Variants in PHACTR1 observed in about 807,000 individuals in gnomAD.
PHACTR1 encodes RPEL repeat containing 1.
PHACTR1 carries 16 observed loss-of-function variants against 69.2 expected under a neutral mutation model. The ratio of observed to expected loss-of-function variants is 0.23; its 90% CI spans 0.16 to 0.35. PHACTR1 has a LOEUF of 0.35. Among genes scored for constraint, PHACTR1 ranks in the 10% least tolerant of loss-of-function variants. The pLI is 1.00. For synonymous variants in PHACTR1, 312 were observed against 284.5 expected, an observed-to-expected ratio of 1.10 and a Z score of -0.97; for missense variants, 510 against 734.7, an observed-to-expected ratio of 0.69 and a Z score of 3.54.
At chr6:12,964,135 G>A (rs994984125) in intron 4 of PHACTR1, among the ~76,000 whole-genome samples, 1 of 152,134 alleles carries the variant, frequency 6.6e-6, no homozygotes, top group Admixed American at 6.5e-5. Context: ...TACCTTGTGA[G>A]TATTTTTGTT....
At position 12,807,311 on chromosome 6, in the gene PHACTR1, T is replaced by C. The variant is rs182024323; in HGVS notation, c.250+57521T>C. Among the ~76,000 whole-genome samples, 398 of 152,358 alleles carry C rather than the reference T, an allele frequency of 2.6e-3. 5 individuals are homozygous for C. Among genetic ancestry groups the C allele is most frequent in the African/African-American group, 9.0e-3 (374 of 41,582 alleles). ...TCTAAAATGGATTTTTTGTTTATGT[T>C]GATAGCAACTGGAAGAGAAAAAATA... On this transcript the variant is annotated intron_variant, in intron 4 of 14. Coordinates refer to ENST00000332995, the MANE Select transcript of PHACTR1 (RefSeq NM_030948.6).
intron 10 of PHACTR1, among the ~76,000 whole-genome samples, chr6:13,248,028 CT>C (rs1288115364): frequency 6.6e-6 from 1 of 152,234 alleles, no homozygotes; most frequent in Non-Finnish European, 1.5e-5. Flanking sequence ...TTACTCGGCA[CT>C]GCCTTTATAT....
chr6:12,762,221 A>G (rs1342245629), intron 4 of PHACTR1, among the ~76,000 whole-genome samples: 3 of 152,086 alleles, frequency 2.0e-5, no homozygotes, highest in Non-Finnish European at 4.4e-5. Context: ...GTATTTATTT[A>G]TTTGGTCTTT....
intron 8 of PHACTR1, among the ~76,000 whole-genome samples, chr6:13,209,532 A>G (rs1766478795): frequency 6.6e-6 from 1 of 152,252 alleles, no homozygotes. Flanking sequence ...CCAGATGGAC[A>G]GTCTGATCCT....
At chr6:13,237,623 A>C (rs1772198022) in intron 10 of PHACTR1, among the ~76,000 whole-genome samples, 1 of 152,236 alleles carries the variant, frequency 6.6e-6, no homozygotes, top group South Asian at 2.1e-4. Flanking sequence ...TAGCAATTTA[A>C]AATTAGCATC....
intron 5 of PHACTR1, among the ~76,000 whole-genome samples, chr6:13,060,152 A>G (rs776156769): frequency 1.3e-5 from 2 of 152,184 alleles, no homozygotes; most frequent in African/African-American, 4.8e-5. Flanking sequence ...GTTTAATACC[A>G]TGAAGTCAAG....
intron 5 of PHACTR1, among the ~76,000 whole-genome samples, chr6:13,113,510 C>T (rs968353451): frequency 2.0e-5 from 3 of 152,172 alleles, no homozygotes; most frequent in African/African-American, 7.2e-5. Flanking sequence ...TAGATATGAT[C>T]ATTTCAGTAG....
intron 8 of PHACTR1, 72 bp downstream of exon 8, chr6:13,206,208 C>A: frequency 1.4e-6 from 2 of 1,399,118 alleles, no homozygotes; most frequent in Non-Finnish European, 1.9e-6. Flanking sequence ...GGGATTTGGA[C>A]CATGACTTAG....
At chr6:13,011,683 C>A (rs1017926853) in intron 4 of PHACTR1, among the ~76,000 whole-genome samples, 1 of 152,182 alleles carries the variant, frequency 6.6e-6, no homozygotes, top group Admixed American at 6.5e-5. Flanking sequence ...ACTGTTCTAA[C>A]CTGTGGGGCA....
At chr6:12,760,659 G>A (rs746934454) in intron 4 of PHACTR1, among the ~76,000 whole-genome samples, 4 of 152,216 alleles carry the variant, frequency 2.6e-5, no homozygotes, top group Admixed American at 6.5e-5. Flanking sequence ...GAGGCCAGGT[G>A]CGGTGGCTCA....
intron 8 of PHACTR1, among the ~76,000 whole-genome samples, chr6:13,225,646 T>C (rs1156788050): frequency 6.6e-6 from 1 of 152,232 alleles, no homozygotes; most frequent in East Asian, 1.9e-4. Flanking sequence ...CTTAAGGAAC[T>C]CATACTCTCT....
intron 5 of PHACTR1, among the ~76,000 whole-genome samples, chr6:13,118,620 A>AG (rs1818182197): frequency 6.6e-6 from 1 of 151,950 alleles, no homozygotes. Context: ...CTGAGACTAC[A>AG]GGTGCGCACA....
In PHACTR1 at chr6:12,943,470, G is replaced by A. The variant is rs552085034; in HGVS notation, c.251-109895G>A. 5.9e-5 allele frequency among the ~76,000 whole-genome samples: 9 copies of A among 152,202 alleles called. No individual in the cohort carries two copies. The South Asian group carries it at 1.9e-3, about 32-fold the overall frequency. ...GCACAACACTTTGAATATACTAAAT[G>A]GCACTGAATTCTACACCTTAAAATG... On this transcript the variant is annotated intron_variant, in intron 4 of 14. Coordinates refer to ENST00000332995, the MANE Select transcript of PHACTR1 (RefSeq NM_030948.6).
intron 8 of PHACTR1, among the ~76,000 whole-genome samples, chr6:13,209,322 A>G (rs1221593298): frequency 1.3e-5 from 2 of 152,204 alleles, no homozygotes; most frequent in African/African-American, 4.8e-5. Context: ...TTCTTGTTCT[A>G]ACCAAGTTTT....
intron 5 of PHACTR1, among the ~76,000 whole-genome samples, chr6:13,125,665 A>C (rs951733023): frequency 9.8e-5 from 15 of 152,348 alleles, no homozygotes; most frequent in Admixed American, 4.6e-4. Flanking sequence ...ATGGCAGCTC[A>C]TGCCTGTAAT....
chr6:12,954,097 G>A (rs1395350190), intron 4 of PHACTR1, among the ~76,000 whole-genome samples: 2 of 152,140 alleles, frequency 1.3e-5, no homozygotes, highest in Non-Finnish European at 2.9e-5. Context: ...TATTTGGTAA[G>A]GGATAGGCAT....
chr6:13,247,464 G>A (rs1247507124), intron 10 of PHACTR1, among the ~76,000 whole-genome samples: 4 of 151,760 alleles, frequency 2.6e-5, no homozygotes, highest in Non-Finnish European at 4.4e-5. Flanking sequence ...TCCTACCTCA[G>A]CCTCCCAAGT....
intron 8 of PHACTR1, among the ~76,000 whole-genome samples, chr6:13,220,232 A>G (rs1768393751): frequency 2.0e-5 from 3 of 152,242 alleles, no homozygotes; most frequent in Admixed American, 1.3e-4. Context: ...TGGTGCATCT[A>G]TCTGTCCAAC....
chr6:13,229,786 G>C (rs1380345397), intron 9 of PHACTR1, among the ~76,000 whole-genome samples: 3 of 152,200 alleles, frequency 2.0e-5, no homozygotes, highest in African/African-American at 7.2e-5. Flanking sequence ...GATGTTGCCT[G>C]CGTGCTAGAC....
Sources: allele counts gnomAD v4.1 joint callset (sites outside exome capture counted in the v4.1 genomes callset), GRCh38; gene constraint gnomAD v4.1.1; transcripts MANE v1.5; gene names NCBI Gene and HGNC (gene_info 2026-07-23, HGNC 2026-07-21).